The following RAPH1 variants were observed in gnomAD, a reference collection of about 807,000 sequenced individuals.
The protein encoded by RAPH1 is ras-associated and pleckstrin homology domains-containing protein 1.
RAPH1 carries 18 observed loss-of-function variants against 88.1 expected under a neutral mutation model. The observed-to-expected ratio is 0.20, with a 90% CI of 0.14 to 0.30. The LOEUF (loss-of-function observed/expected upper bound fraction) is 0.30, where lower values mean the gene tolerates loss of function less well. RAPH1 is among the 10% of genes least tolerant of loss of function. RAPH1 has a pLI of 1.00. For missense variants in RAPH1, 1,448 were observed against 1,543.2 expected (o/e 0.94, Z 1.03); for synonymous variants, 587 against 559.0 (o/e 1.05, Z -0.71).
At position 203,459,954 on chromosome 2, in the gene RAPH1, T is replaced by A. The variant is rs775076384; in HGVS notation, c.1045A>T (p.Ile349Leu). The A allele has an allele frequency of 1.7e-5, 28 of 1,612,910 alleles. No individual in the cohort carries two copies. The highest frequency in any genetic ancestry group is 2.4e-5 in the Non-Finnish European group (28 of 1,179,160). ...NWTRDSQNKLIFMERIEKYAL... is the reference protein window; with the variant it reads ...NWTRDSQNKLLFMERIEKYAL... ...TATTTTTCTATACGCTCCATAAATA[T>A]AAGCTTGTTTTGGCTATCTCTTGTC... The change falls in exon 7 of 14, where the codon ATA becomes TTA. Residue 349 changes from isoleucine (I) to leucine (L), a missense_variant. By Grantham distance (5) the Ile-to-Leu change is conservative. Transcript: ENST00000319170.
chr2:203,464,405 G>A (rs1462505463), intron 4 of RAPH1, among the ~76,000 whole-genome samples: 1 of 152,200 alleles, frequency 6.6e-6, no homozygotes, highest in Non-Finnish European at 1.5e-5. Context: ...CCAAGTAGCT[G>A]GGATTACAGA....
At chr2:203,476,231 T>A (rs1687437271) in intron 4 of RAPH1, among the ~76,000 whole-genome samples, 1 of 152,134 alleles carries the variant, frequency 6.6e-6, no homozygotes, top group African/African-American at 2.4e-5. Flanking sequence ...CTTGGCTCAC[T>A]GTTATCTTGG....
chr2:203,472,509 C>A lies in RAPH1; in HGVS notation c.733-10584G>T, dbSNP rs547843670. Among the ~76,000 whole-genome samples the A allele has an allele frequency of 7.9e-5, 12 of 152,268 alleles. No individual in the cohort carries two copies. In the South Asian group the frequency reaches 2.5e-3, roughly 32 times the overall value. On this transcript the variant is annotated intron_variant, in intron 4 of 13. Coordinates refer to ENST00000319170, the MANE Select transcript of RAPH1 (RefSeq NM_213589.3). ...ACTATAACTTTCATTGCTCTTATTC[C>A]CATTCATTTTTAGCTATTCAAATAT...
At chr2:203,474,704 C>A (rs2098535854) in intron 4 of RAPH1, among the ~76,000 whole-genome samples, 1 of 152,130 alleles carries the variant, frequency 6.6e-6, no homozygotes, top group South Asian at 2.1e-4. Context: ...TTTGGAATTC[C>A]TTTGAACAGA....
intron 9 of RAPH1, 44 bp downstream of exon 9, chr2:203,455,393 A>C: frequency 6.3e-7 from 1 of 1,587,356 alleles, no homozygotes; most frequent in South Asian, 1.2e-5. Context: ...ATTAAAAGCA[A>C]TTAGCATAAT....
At chr2:203,515,525 T>C (rs910906812) in intron 1 of RAPH1, among the ~76,000 whole-genome samples, 4 of 152,204 alleles carry the variant, frequency 2.6e-5, no homozygotes, top group Admixed American at 6.5e-5. Flanking sequence ...GTGTCTTTTA[T>C]TGTATCACTG....
intron 1 of RAPH1, among the ~76,000 whole-genome samples, chr2:203,504,280 T>C (rs541268794): frequency 4.5e-4 from 69 of 152,322 alleles, no homozygotes; most frequent in Non-Finnish European, 7.8e-4. Flanking sequence ...CATCCAGGTG[T>C]TTCTATACAT....
At chr2:203,533,000 T>A (rs1241591065) in intron 1 of RAPH1, among the ~76,000 whole-genome samples, 2 of 152,168 alleles carry the variant, frequency 1.3e-5, no homozygotes, top group Admixed American at 6.6e-5. Context: ...GTGACAGTTA[T>A]CCACGATGCC....
At position 203,491,227 on chromosome 2, in the gene RAPH1, T is replaced by C. The variant is rs1354679548; in HGVS notation, c.213A>G (p.Ile71Met). The C allele has an allele frequency of 6.2e-7, 1 of 1,607,490 alleles. No homozygotes were observed. The highest frequency in any genetic ancestry group is 8.5e-7 in the Non-Finnish European group (1 of 1,174,292). The change falls in exon 3 of 14, where the codon ATA becomes ATG. Residue 71 changes from isoleucine to methionine, a missense_variant. By Grantham distance (10) the Ile-to-Met change is conservative (BLOSUM62 1). Coordinates refer to ENST00000319170, the MANE Select transcript of RAPH1 (RefSeq NM_213589.3). Reference protein sequence around the residue: ...NMANFSYRFSIYNLNEALNQG... With the variant: ...NMANFSYRFSMYNLNEALNQG... Reference sequence around the variant, plus strand: ...ATTACATCTTACCATTCAAGTTGTATATGGAGAAGCGGTAAGAAAAGTTGG... The same window carrying C: ...ATTACATCTTACCATTCAAGTTGTACATGGAGAAGCGGTAAGAAAAGTTGG...
intron 13 of RAPH1, chr2:203,441,729 T>C (rs55915628): frequency 0.54 from 687,132 of 1,277,678 alleles, 190,749 homozygotes; most frequent in Middle Eastern, 0.64. Context: ...ACCTTGGCTG[T>C]ATGACTTTGA....
At chr2:203,452,396 C>T (rs1206922292) in intron 10 of RAPH1, among the ~76,000 whole-genome samples, 1 of 152,188 alleles carries the variant, frequency 6.6e-6, no homozygotes, top group East Asian at 1.9e-4. Context: ...TCTTTCTCCT[C>T]AGGGATGAGA....
At chr2:203,486,619 G>A (rs1687985818) in intron 4 of RAPH1, among the ~76,000 whole-genome samples, 1 of 152,214 alleles carries the variant, frequency 6.6e-6, no homozygotes, top group Non-Finnish European at 1.5e-5. Flanking sequence ...TGATGTGTAT[G>A]TGAGTAGAGG....
At chr2:203,504,804 TG>T (rs1688905923) in intron 1 of RAPH1, among the ~76,000 whole-genome samples, 1 of 152,240 alleles carries the variant, frequency 6.6e-6, no homozygotes, top group Non-Finnish European at 1.5e-5. Flanking sequence ...TTTGCTGCTT[TG>T]AAATTTCTTC....
chr2:203,466,095 A>T (rs1309761449), intron 4 of RAPH1, among the ~76,000 whole-genome samples: 1 of 152,336 alleles, frequency 6.6e-6, no homozygotes, highest in Middle Eastern at 3.4e-3. Flanking sequence ...GTCCATGTTA[A>T]AACTGTATGA....
At position 203,433,978 on chromosome 2, in the gene RAPH1, CCAG is replaced by C. The variant is rs2098495592; in HGVS notation, c.*5456_*5458del. On this transcript the variant is annotated 3_prime_UTR_variant, in exon 14 of 14. Coordinates refer to ENST00000319170, the MANE Select transcript of RAPH1 (RefSeq NM_213589.3). ...AGAGTAACTTGGAAAATAACTTAATCCAGCAGAACAAAAACATCCTCAGAAAAA... is the reference window on the plus strand; with the variant it reads ...AGAGTAACTTGGAAAATAACTTAATCCAGAACAAAAACATCCTCAGAAAAA... 1 of 152,044 alleles carries C rather than the reference CCAG, an allele frequency of 6.6e-6. No individual in the cohort carries two copies. 9.4% of individuals were successfully genotyped at this position (152,044 alleles called of 1,614,324 possible).
intron 1 of RAPH1, among the ~76,000 whole-genome samples, chr2:203,513,219 A>G (rs953945547): frequency 6.7e-6 from 1 of 149,608 alleles, no homozygotes; most frequent in African/African-American, 2.5e-5. Context: ...TGGGGGGGGG[A>G]ATAGATGAAC....
chr2:203,441,254 G>A lies in RAPH1; in HGVS notation c.1936C>T (p.Pro646Ser). The A allele has an allele frequency of 7.2e-7, 1 of 1,380,800 alleles. No individual in the cohort carries two copies. The highest frequency in any genetic ancestry group is 9.9e-7 in the Non-Finnish European group (1 of 1,011,644). The allele number at this position is 1,380,800 out of a possible 1,614,324, so 85.5% of individuals were successfully genotyped here. Residue 646 changes from proline to serine, a missense_variant, in exon 14 of 14, where the codon CCT becomes TCT. Around this residue, in one of 2 missense-constraint regions of RAPH1, gnomAD observed 935 missense variants for 890.1 expected, o/e 1.05. Coordinates refer to ENST00000319170, the MANE Select transcript of RAPH1 (RefSeq NM_213589.3). Reference sequence around the variant, plus strand: ...GCAGACTGGCTGGGGAGTGGGGGAGGAGGGGGTGGTGGAGGGGGTGGTGGA... The same window carrying A: ...GCAGACTGGCTGGGGAGTGGGGGAGAAGGGGGTGGTGGAGGGGGTGGTGGA... ...PPPPPPPPPP[P>S]PPLPSQSAPS...
At chr2:203,507,340 ATT>A (rs1201806317) in intron 1 of RAPH1, among the ~76,000 whole-genome samples, 1 of 152,218 alleles carries the variant, frequency 6.6e-6, no homozygotes, top group South Asian at 2.1e-4. Context: ...TAAAGTATTT[ATT>A]TTAAAAGTAA....
intron 1 of RAPH1, 106 bp from the exon 2 acceptor site, chr2:203,495,459 C>A: frequency 9.1e-7 from 1 of 1,100,518 alleles, no homozygotes; most frequent in Non-Finnish European, 1.3e-6. Flanking sequence ...GAAGTCAAAT[C>A]TTCAAAACTA....
Sources: gnomAD v4.1 joint callset for allele counts (sites outside exome capture counted in the v4.1 genomes callset) on GRCh38, gnomAD v4.1.1 for gene constraint, gnomAD v4.1.1 regional missense constraint, MANE v1.5 for transcripts, NCBI Gene and HGNC (gene_info 2026-07-23, HGNC 2026-07-21) for gene names.